CARD8: variants seen among roughly 807,000 people sequenced by gnomAD.
CARD8 encodes the protein caspase recruitment domain family member 8.
A neutral mutation model predicts 53.2 loss-of-function variants in CARD8; 38 were observed. The ratio of observed to expected loss-of-function variants is 0.71; its 90% CI spans 0.55 to 0.94. The LOEUF is 0.94. Ranked by LOEUF, CARD8 falls within the 40% of genes least tolerant of loss-of-function variation. The pLI is 0.00. For synonymous variants in CARD8, 245 were observed against 244.9 expected (o/e 1.00, Z 0.00); for missense variants, 561 against 655.5 (o/e 0.86, Z 1.57).
At chr19:48,207,168 A>C (rs973607122), downstream of CARD8, among the ~76,000 whole-genome samples, 12 of 137,298 alleles carry the variant, frequency 8.7e-5, no homozygotes, top group Non-Finnish European at 1.7e-4. Flanking sequence ...TCTGTCTCAA[A>C]AAAAAAAAAA....
intron 3 of CARD8, among the ~76,000 whole-genome samples, chr19:48,245,376 A>AT (rs571254251): frequency 0.013 from 2,046 of 151,784 alleles, 59 homozygotes; most frequent in Middle Eastern, 0.021. Flanking sequence ...TGCCTGGCTA[A>AT]TTTTTTTTGT....
intron 6 of CARD8, 44 bp from the exon 7 acceptor site, chr19:48,232,537 A>C: frequency 6.7e-7 from 1 of 1,489,902 alleles, no homozygotes; most frequent in Non-Finnish European, 9.1e-7. Flanking sequence ...GAAAAACATC[A>C]AGAATCAGTT....
chr19:48,233,163 A>G (rs1032404562), intron 6 of CARD8: 5 of 356,856 alleles, frequency 1.4e-5, no homozygotes, highest in African/African-American at 8.6e-5. Context: ...GCGCTTTCAA[A>G]GCCTCACAGG....
Position 48,211,662 on chromosome 19 carries a change from C to A in CARD8, c.*48G>T. 2 of 1,562,610 alleles carry A rather than the reference C, an allele frequency of 1.3e-6. No homozygotes were observed. Among genetic ancestry groups the A allele is most frequent in the South Asian group, 2.3e-5 (2 of 86,260 alleles). The stretch of plus-strand genomic sequence containing the variant: ...GATCACATTTCTGTTTATCCATTTC[C>A]AATGAGAACGCTGGATTCTCTCTTC... On this transcript the variant is annotated 3_prime_UTR_variant, in exon 14 of 14. Transcript: ENST00000651546.
chr19:48,209,499 CAAATT>C lies in CARD8; in HGVS notation c.*2206_*2210del, dbSNP rs1292492645. The stretch of plus-strand genomic sequence containing the variant: ...ACACTCCAGCAAATTTGAAAATAGA[CAAATT>C]AAAATTACCCAATCAGAATAATGGA... On this transcript the variant is annotated 3_prime_UTR_variant, in exon 14 of 14. Transcript: ENST00000651546. 2.6e-5 allele frequency: 4 copies of C among 151,788 alleles called. No homozygotes were observed. The highest frequency in any genetic ancestry group is 7.3e-5 in the African/African-American group (3 of 41,292). The allele number at this position is 151,788 out of a possible 1,614,324, so 9.4% of individuals were successfully genotyped here. A position where few individuals can be genotyped will look rare whatever the true frequency, so the allele number is the denominator to read the frequency against.
intron 10 of CARD8, among the ~76,000 whole-genome samples, chr19:48,227,827 GA>G (rs2042091731): frequency 6.6e-6 from 1 of 150,976 alleles, no homozygotes. Context: ...GGAAAGAAAA[GA>G]AAAGTCACAG....
chr19:48,219,887 C>G (rs1311428253), intron 11 of CARD8, among the ~76,000 whole-genome samples: 2 of 152,116 alleles, frequency 1.3e-5, no homozygotes, highest in African/African-American at 4.8e-5. Flanking sequence ...AGGAGAATCG[C>G]TTGAACCCAG....
At position 48,221,855 on chromosome 19, in the gene CARD8, C is replaced by T; in HGVS notation, c.1036G>A (p.Ala346Thr). 6.3e-7 allele frequency: 1 copy of T among 1,589,258 alleles called. No individual in the cohort carries two copies. Among genetic ancestry groups the T allele is most frequent in the Non-Finnish European group, 8.6e-7 (1 of 1,165,434 alleles). ...AAGCGATCTTCCTCATCATCTATCG[C>T]CTAAGGAAGAAGGGGCAGAAACATT... ...LVPSDALLTK[A>T]IDDEEDRFHG... Residue 346 changes from alanine to threonine, a missense_variant and splice_region_variant, in exon 11 of 14, where the codon GCG becomes ACG. By Grantham distance (58) the Ala-to-Thr change is moderately conservative. Transcript: ENST00000651546.
intron 1 of CARD8, among the ~76,000 whole-genome samples, chr19:48,253,133 T>C (rs1262379533): frequency 6.6e-6 from 1 of 152,180 alleles, no homozygotes; most frequent in Non-Finnish European, 1.5e-5. Flanking sequence ...AAAACGTATA[T>C]GTACACATGA....
rs1047271286 is a variant in CARD8 at position 48,211,037 on chromosome 19, A to G, written c.*673T>C. The G allele has an allele frequency of 6.6e-6, 1 of 152,364 alleles. No homozygotes were observed. Among genetic ancestry groups the G allele is most frequent in the Non-Finnish European group, 1.5e-5 (1 of 68,048 alleles). The allele number at this position is 152,364 out of a possible 1,614,324, so 9.4% of individuals were successfully genotyped here. ...GAGTTGATTTACCACATTTCATCTC[A>G]GTATTCCTTGGAGTTGACCATGAAC... On this transcript the variant is annotated 3_prime_UTR_variant, in exon 14 of 14. Coordinates refer to ENST00000651546, the MANE Select transcript of CARD8 (RefSeq NM_001184900.3).
At chr19:48,250,877 A>G (rs1236117978) in intron 1 of CARD8, among the ~76,000 whole-genome samples, 2 of 152,250 alleles carry the variant, frequency 1.3e-5, no homozygotes, top group African/African-American at 4.8e-5. Flanking sequence ...TAACACATAC[A>G]AAGTTTAAAA....
Position 48,232,012 on chromosome 19 carries a change from T to C in CARD8, c.392-202A>G, listed in dbSNP as rs769762023. On this transcript the variant is annotated intron_variant, in intron 7 of 13. Transcript: ENST00000651546. ...ATGTTCCTTGTCATGACTAAACGTATACACCAAATTCCATAAGACTTTCTG... is the reference window on the plus strand; with the variant it reads ...ATGTTCCTTGTCATGACTAAACGTACACACCAAATTCCATAAGACTTTCTG... 4.6e-5 allele frequency: 31 copies of C among 668,930 alleles called. 1 individual carries two copies. The Middle Eastern group carries it at 4.8e-3, about 103-fold the overall frequency. 41.4% of individuals were successfully genotyped at this position (668,930 alleles called of 1,614,324 possible).
At chr19:48,234,072 A>C (rs2043412296) in intron 6 of CARD8, 1 of 211,956 alleles carries the variant, frequency 4.7e-6, no homozygotes, top group Admixed American at 5.8e-5. Flanking sequence ...TCAGGACCCC[A>C]CTGTGGCCTT....
At chr19:48,214,514 T>C (rs1239880976) in intron 13 of CARD8, among the ~76,000 whole-genome samples, 2 of 152,076 alleles carry the variant, frequency 1.3e-5, no homozygotes, top group Non-Finnish European at 2.9e-5. Flanking sequence ...AAGGGAAGAA[T>C]GCCTCAAGTG....
At chr19:48,243,116 G>A (rs1453105963) in intron 3 of CARD8, among the ~76,000 whole-genome samples, 2 of 152,244 alleles carry the variant, frequency 1.3e-5, no homozygotes, top group African/African-American at 4.8e-5. Flanking sequence ...AGGTTCAAGC[G>A]ATTTTCCTGC....
intron 12 of CARD8, among the ~76,000 whole-genome samples, chr19:48,216,864 C>T (rs1568661422): frequency 6.6e-6 from 1 of 152,056 alleles, no homozygotes; most frequent in Non-Finnish European, 1.5e-5. Context: ...TATTGTGCAC[C>T]TAAGTTCTAT....
At chr19:48,242,609 CA>C (rs1333748307) in intron 3 of CARD8, 4 of 152,190 alleles carry the variant, frequency 2.6e-5, no homozygotes, top group African/African-American at 9.7e-5. Flanking sequence ...ATCCATTCAG[CA>C]GACGATAGAC....
At chr19:48,232,395 C>T in intron 7 of CARD8, 58 bp downstream of exon 7, 1 of 1,445,514 alleles carries the variant, frequency 6.9e-7, no homozygotes, top group Non-Finnish European at 9.4e-7. Flanking sequence ...CACATAAAAT[C>T]ACAGAACATT....
intron 10 of CARD8, among the ~76,000 whole-genome samples, chr19:48,222,851 T>A (rs1446433793): frequency 6.6e-6 from 1 of 152,174 alleles, no homozygotes; most frequent in Non-Finnish European, 1.5e-5. Context: ...TCAGTGATAT[T>A]ATTAGTCCAG....
Sources: allele counts gnomAD v4.1 joint callset (sites outside exome capture counted in the v4.1 genomes callset), GRCh38; gene constraint gnomAD v4.1.1; transcripts MANE v1.5; gene names NCBI Gene and HGNC (gene_info 2026-07-23, HGNC 2026-07-21).